The following ZNF385C variants were observed in gnomAD, a reference collection of about 807,000 sequenced individuals.
ZNF385C encodes the protein zinc finger protein 385C, also known as CTD-2132N18.2.
In ZNF385C, 28 loss-of-function variants were observed where a neutral mutation model predicts 35.4. The ratio of observed to expected loss-of-function variants is 0.79; its 90% CI spans 0.59 to 1.08. The LOEUF is 1.08. Among genes scored for constraint, ZNF385C ranks in the 50% least tolerant of loss-of-function variants. The pLI is 0.00. For synonymous variants in ZNF385C, 248 were observed against 248.2 expected, an observed-to-expected ratio of 1.00 and a Z score of 0.01; for missense variants, 605 against 595.6, an observed-to-expected ratio of 1.02 and a Z score of -0.16.
At position 42,088,501 on chromosome 17, in the gene ZNF385C, G is replaced by A. The variant is rs185400135; in HGVS notation, c.-3+9909C>T. On this transcript the variant is annotated intron_variant, in intron 1 of 8. Transcript: ENST00000692273. ...CTGTTTCACCGCCAGGTCTGCGGCC[G>A]CCTGGGCGGCTCCAGCCACGGGACT... Among the ~76,000 whole-genome samples, 577 of 152,354 alleles carry A rather than the reference G, an allele frequency of 3.8e-3. 7 individuals carry two copies. The highest frequency in any genetic ancestry group is 0.013 in the African/African-American group (550 of 41,584).
chr17:42,058,359 G>A (rs1304761149), intron 2 of ZNF385C, among the ~76,000 whole-genome samples: 1 of 152,222 alleles, frequency 6.6e-6, no homozygotes, highest in Non-Finnish European at 1.5e-5. Context: ...CCAGAGGCCC[G>A]AGACCTCGTG....
intron 1 of ZNF385C, among the ~76,000 whole-genome samples, chr17:42,088,007 T>C (rs2053826830): frequency 6.6e-6 from 1 of 152,264 alleles, no homozygotes; most frequent in South Asian, 2.1e-4. Flanking sequence ...GTAAGACTTC[T>C]AAATAAAACT....
chr17:42,028,228 A>G lies in ZNF385C; in HGVS notation c.986T>C (p.Met329Thr), dbSNP rs782790284. Reference protein sequence around the residue: ...AHNTGAKHRWMMEGQRGAPRR... With the variant: ...AHNTGAKHRWTMEGQRGAPRR... ...GGGAGCCCCTCGCTGACCTTCCATC[A>G]TCCACCGGTGCTTGGCTCCTGGAGA... The change falls in exon 7 of 9, where the codon ATG becomes ACG. Residue 329 changes from methionine to threonine, a missense_variant. Coordinates refer to ENST00000692273, the MANE Select transcript of ZNF385C (RefSeq NM_001392013.1). 6.5e-7 allele frequency: 1 copy of G among 1,541,548 alleles called. No individual in the cohort carries two copies. Among genetic ancestry groups the G allele is most frequent in the South Asian group, 1.3e-5 (1 of 79,764 alleles).
In ZNF385C at chr17:42,095,093, C is replaced by T. The variant is rs967171226; in HGVS notation, c.-3+3317G>A. ...GAGTGAGTTTGTGAGTGTCTGTACA[C>T]GTGTGTGGATCCAGTTCCATTAAGA... On this transcript the variant is annotated intron_variant, in intron 1 of 8. Transcript: ENST00000692273. The surrounding 1 kb of genome is among the most constrained non-coding windows in gnomAD (Gnocchi z 4.4). Among the ~76,000 whole-genome samples the T allele has an allele frequency of 7.2e-5, 11 of 152,212 alleles. No homozygotes were observed. The highest frequency in any genetic ancestry group is 1.0e-4 in the Non-Finnish European group (7 of 67,996).
chr17:42,039,794 GC>G, intron 2 of ZNF385C: 2 of 1,232,262 alleles, frequency 1.6e-6, no homozygotes, highest in East Asian at 3.2e-5. Flanking sequence ...TGCAGCGGGG[GC>G]CCATCCACTG....
intron 1 of ZNF385C, among the ~76,000 whole-genome samples, chr17:42,091,544 T>C (rs1555660565): frequency 6.6e-6 from 1 of 152,060 alleles, no homozygotes; most frequent in African/African-American, 2.4e-5. Context: ...AATGGACAGC[T>C]CCCCCTCCAC....
intron 2 of ZNF385C, among the ~76,000 whole-genome samples, chr17:42,060,943 G>C (rs1555657963): frequency 6.6e-6 from 1 of 152,038 alleles, no homozygotes; most frequent in African/African-American, 2.4e-5. Context: ...TCGAACTCCT[G>C]AGCTCAGGCA....
At chr17:42,035,330 A>G (rs534038640) in intron 3 of ZNF385C, among the ~76,000 whole-genome samples, 9 of 151,374 alleles carry the variant, frequency 5.9e-5, no homozygotes, top group Non-Finnish European at 1.0e-4. Context: ...TTAGGTCATT[A>G]TTTTTGTTTT....
chr17:42,037,991 T>C, intron 2 of ZNF385C, 106 bp from the exon 3 acceptor site: 1 of 1,538,984 alleles, frequency 6.5e-7, no homozygotes, highest in Admixed American at 2.0e-5. Context: ...CAGAAACCTG[T>C]GTCTCTCTTC....
chr17:42,054,949 C>T (rs1412606394), intron 2 of ZNF385C, among the ~76,000 whole-genome samples: 1 of 152,102 alleles, frequency 6.6e-6, no homozygotes, highest in African/African-American at 2.4e-5. Flanking sequence ...TTCTTCTCCT[C>T]TCCATTCACT....
chr17:42,043,439 CCA>C, intron 2 of ZNF385C: 10 of 1,213,962 alleles, frequency 8.2e-6, no homozygotes, highest in Non-Finnish European at 1.0e-5. Context: ...CCTGCCTCCC[CCA>C]CACACAGGCA....
At chr17:42,093,243 C>T (rs895519601) in intron 1 of ZNF385C, among the ~76,000 whole-genome samples, 1 of 151,972 alleles carries the variant, frequency 6.6e-6, no homozygotes, top group African/African-American at 2.4e-5. Flanking sequence ...GAAGCTGGGG[C>T]CCGGGGTGGG....
intron 1 of ZNF385C, among the ~76,000 whole-genome samples, chr17:42,079,502 C>CA (rs113892632): frequency 0.02 from 2,508 of 127,702 alleles, 62 homozygotes; most frequent in African/African-American, 0.051. Flanking sequence ...TCTATCTTTA[C>CA]AAAAAAAAAA....
rs1428381094 is a variant in ZNF385C at position 42,029,832 on chromosome 17, G to A, written c.677-759C>T. On this transcript the variant is annotated intron_variant, in intron 5 of 8. Transcript: ENST00000692273. The stretch of plus-strand genomic sequence containing the variant: ...GCAGATCACTTGAGTCCAGGACTTC[G>A]AGACCAGACTGGGTGACACAGCGAA... Among the ~76,000 whole-genome samples the A allele has an allele frequency of 4.6e-5, 7 of 151,784 alleles. 1 individual carries two copies. Among genetic ancestry groups the A allele is most frequent in the South Asian group, 4.2e-4 (2 of 4,818 alleles).
At chr17:42,090,830 C>G (rs1555660482) in intron 1 of ZNF385C, among the ~76,000 whole-genome samples, 2 of 151,744 alleles carry the variant, frequency 1.3e-5, no homozygotes, top group Non-Finnish European at 2.9e-5. Flanking sequence ...TGCAGTGAGC[C>G]GAGATCCTGC....
intron 3 of ZNF385C, among the ~76,000 whole-genome samples, chr17:42,037,378 TACACACACACACACACAC>T (rs5820441): frequency 6.2e-4 from 90 of 144,642 alleles, no homozygotes; most frequent in Non-Finnish European, 6.8e-4. Context: ...AGGCACAGGT[TACACACACACACACACAC>T]ACACACACAC....
intron 5 of ZNF385C, among the ~76,000 whole-genome samples, chr17:42,030,798 G>A (rs553602489): frequency 4.6e-5 from 7 of 152,264 alleles, no homozygotes; most frequent in African/African-American, 1.7e-4. Context: ...AAGAGCTTGT[G>A]GAAACACAGG....
intron 3 of ZNF385C, among the ~76,000 whole-genome samples, chr17:42,035,056 T>A (rs1305252990): frequency 7.2e-6 from 1 of 138,396 alleles, no homozygotes; most frequent in Non-Finnish European, 1.5e-5. Context: ...GAGGCAGAGG[T>A]TGCAGTGAGC....
At chr17:42,067,924 C>A (rs1184667393) in intron 1 of ZNF385C, among the ~76,000 whole-genome samples, 1 of 152,196 alleles carries the variant, frequency 6.6e-6, no homozygotes, top group Non-Finnish European at 1.5e-5. Flanking sequence ...CAATTTATGA[C>A]AGGCGGGCCG....
Sources: gnomAD v4.1 joint callset for allele counts (sites outside exome capture counted in the v4.1 genomes callset) on GRCh38, gnomAD v4.1.1 for gene constraint, Gnocchi (gnomAD v3.1) non-coding constraint, MANE v1.5 for transcripts, NCBI Gene and HGNC (gene_info 2026-07-23, HGNC 2026-07-21) for gene names.